ARHGEF4: variants seen among roughly 807,000 people sequenced by gnomAD.
ARHGEF4 encodes the protein APC-stimulated guanine nucleotide exchange factor 1.
Under a neutral mutation model 162.0 loss-of-function variants are expected in ARHGEF4, and 119 were observed. The observed-to-expected ratio is 0.73, with a 90% CI of 0.63 to 0.86. ARHGEF4 has a LOEUF of 0.86. ARHGEF4 is among the 40% of genes least tolerant of loss of function. The probability of loss-of-function intolerance (pLI) is 0.00; values close to 1 mark genes in which losing one functional copy is unlikely to be tolerated. For missense variants in ARHGEF4, 2,488 were observed against 2,456.0 expected (o/e 1.01, Z -0.28); for synonymous variants, 1,014 against 979.9 (o/e 1.03, Z -0.65).
At chr2:130,839,892 AG>A (rs1680490385) in intron 1 of ARHGEF4, among the ~76,000 whole-genome samples, 1 of 152,174 alleles carries the variant, frequency 6.6e-6, no homozygotes, top group African/African-American at 2.4e-5. Flanking sequence ...CCTAACACTT[AG>A]GGTACTTTGC....
At chr2:131,010,255 CT>C (rs1231317345) in intron 4 of ARHGEF4, among the ~76,000 whole-genome samples, 1 of 152,182 alleles carries the variant, frequency 6.6e-6, no homozygotes, top group Admixed American at 6.5e-5. Flanking sequence ...AGGTTTCTCT[CT>C]GTGTTTTAGC....
intron 3 of ARHGEF4, among the ~76,000 whole-genome samples, chr2:130,945,236 T>TGATGGC (rs921917463): frequency 6.6e-6 from 1 of 152,026 alleles, no homozygotes; most frequent in African/African-American, 2.4e-5. Flanking sequence ...GAGCCCTCCT[T>TGATGGC]TCCTAGTTTT....
In ARHGEF4 at chr2:130,991,639, C is replaced by T. The variant is rs1011121271; in HGVS notation, c.3986-36306C>T. ...GGTTCCCCAGCAGTGCCAGCCCACCCGCGCTGCACTAGATTTCTCACTGGG... is the reference window on the plus strand; with the variant it reads ...GGTTCCCCAGCAGTGCCAGCCCACCTGCGCTGCACTAGATTTCTCACTGGG... On this transcript the variant is annotated intron_variant, in intron 4 of 13. Coordinates refer to ENST00000409359, the MANE Select transcript of ARHGEF4 (RefSeq NM_001367493.1). 2.6e-5 allele frequency among the ~76,000 whole-genome samples: 4 copies of T among 152,252 alleles called. No individual in the cohort carries two copies. The South Asian group carries it at 6.2e-4, about 24-fold the overall frequency.
At chr2:130,972,548 C>T (rs971284808) in intron 4 of ARHGEF4, among the ~76,000 whole-genome samples, 18 of 152,198 alleles carry the variant, frequency 1.2e-4, no homozygotes, top group Non-Finnish European at 2.5e-4. Flanking sequence ...GTTGTGGTCT[C>T]AAAGTTGTTG....
At chr2:130,984,436 A>C (rs1341593407) in intron 4 of ARHGEF4, among the ~76,000 whole-genome samples, 3 of 152,212 alleles carry the variant, frequency 2.0e-5, no homozygotes, top group Non-Finnish European at 4.4e-5. Flanking sequence ...CACACCTGTA[A>C]TCCCAGCACT....
chr2:130,999,441 C>A (rs1451803437), intron 4 of ARHGEF4, among the ~76,000 whole-genome samples: 2 of 152,188 alleles, frequency 1.3e-5, no homozygotes, highest in African/African-American at 2.4e-5. Context: ...CAGGCATGAG[C>A]CACTGTGCCC....
rs1326379619 is a variant in ARHGEF4 at position 130,931,268 on chromosome 2, C to G, written c.3858+11C>G. ...AAAGATGGAGTCAAGGTAAGCCACT[C>G]CCGGCCAGGAGTCCTCAGACTTGGT... On this transcript the variant is annotated intron_variant, in intron 3 of 13. Coordinates refer to ENST00000409359, the MANE Select transcript of ARHGEF4 (RefSeq NM_001367493.1). The G allele has an allele frequency of 5.0e-6, 8 of 1,589,998 alleles. No individual in the cohort carries two copies. The African/African-American group carries it at 8.1e-5, about 16-fold the overall frequency.
chr2:131,013,881 G>A (rs986947127), intron 4 of ARHGEF4, among the ~76,000 whole-genome samples: 14 of 152,288 alleles, frequency 9.2e-5, no homozygotes, highest in Middle Eastern at 3.4e-3. Flanking sequence ...GATTACAGGC[G>A]TGAGCCACCA....
At chr2:130,946,073 C>T (rs1427796365) in intron 3 of ARHGEF4, among the ~76,000 whole-genome samples, 1 of 152,194 alleles carries the variant, frequency 6.6e-6, no homozygotes, top group African/African-American at 2.4e-5. Flanking sequence ...CAACAGTGGT[C>T]CTTACTGTCT....
At chr2:130,881,889 GGCCCAC>G (rs1303746500) in intron 1 of ARHGEF4, among the ~76,000 whole-genome samples, 1 of 152,084 alleles carries the variant, frequency 6.6e-6, no homozygotes, top group Non-Finnish European at 1.5e-5. Flanking sequence ...CGTGGTTGGA[GGCCCAC>G]GCCAAGCTGG....
intron 4 of ARHGEF4, among the ~76,000 whole-genome samples, chr2:130,991,687 C>T (rs1686993170): frequency 6.6e-6 from 1 of 152,248 alleles, no homozygotes; most frequent in Non-Finnish European, 1.5e-5. Context: ...TCCCGCGGGG[C>T]AGGCCTCGGG....
At chr2:131,033,685 A>AT (rs1690025826) in intron 5 of ARHGEF4, among the ~76,000 whole-genome samples, 1 of 152,184 alleles carries the variant, frequency 6.6e-6, no homozygotes, top group Non-Finnish European at 1.5e-5. Flanking sequence ...GATCCCCCCA[A>AT]TTCTCCTGAC....
intron 4 of ARHGEF4, among the ~76,000 whole-genome samples, chr2:131,004,324 C>T (rs1030252080): frequency 1.3e-5 from 2 of 152,150 alleles, no homozygotes; most frequent in African/African-American, 2.4e-5. Context: ...CGCCACCATG[C>T]TTGTCTAATT....
chr2:130,911,473 T>A (rs560831701), intron 1 of ARHGEF4, among the ~76,000 whole-genome samples: 1 of 152,214 alleles, frequency 6.6e-6, no homozygotes, highest in Non-Finnish European at 1.5e-5. Flanking sequence ...CATCACTTTA[T>A]GCTGAGAAAT....
At chr2:130,924,335 C>T (rs1348669569) in intron 2 of ARHGEF4, among the ~76,000 whole-genome samples, 1 of 150,324 alleles carries the variant, frequency 6.7e-6, no homozygotes, top group Non-Finnish European at 1.5e-5. Context: ...GGCATGATCT[C>T]GGCTCACTGC....
intron 3 of ARHGEF4, among the ~76,000 whole-genome samples, chr2:130,934,625 C>T (rs1165270469): frequency 6.6e-6 from 1 of 152,202 alleles, no homozygotes; most frequent in Admixed American, 6.5e-5. Flanking sequence ...TCACTGCAAC[C>T]TCCACCTCCT....
chr2:131,005,419 C>T (rs191689989), intron 4 of ARHGEF4, among the ~76,000 whole-genome samples: 1 of 152,324 alleles, frequency 6.6e-6, no homozygotes, highest in Non-Finnish European at 1.5e-5. Context: ...ACAGCCACTC[C>T]CTGCCGTCCT....
At chr2:130,847,579 A>G (rs531968710) in intron 1 of ARHGEF4, among the ~76,000 whole-genome samples, 3 of 152,270 alleles carry the variant, frequency 2.0e-5, no homozygotes, top group Admixed American at 1.3e-4. Flanking sequence ...TTTACCTGCA[A>G]ACCTTGAGTG....
intron 4 of ARHGEF4, among the ~76,000 whole-genome samples, chr2:130,992,382 C>G (rs1486966597): frequency 6.6e-6 from 1 of 151,468 alleles, no homozygotes; most frequent in Non-Finnish European, 1.5e-5. Flanking sequence ...CTTTTAAGAG[C>G]TGTAACGCTC....
Sources: gnomAD v4.1 joint callset for allele counts (sites outside exome capture counted in the v4.1 genomes callset) on GRCh38, gnomAD v4.1.1 for gene constraint, MANE v1.5 for transcripts, NCBI Gene and HGNC (gene_info 2026-07-23, HGNC 2026-07-21) for gene names.